Variants in CAMSAP2 observed in about 807,000 individuals in gnomAD.
The protein encoded by CAMSAP2 is calmodulin regulated spectrin associated protein family member 2.
A neutral mutation model predicts 146.1 loss-of-function variants in CAMSAP2; 26 were observed. The observed-to-expected ratio is 0.18, with a 90% CI of 0.13 to 0.25. The LOEUF is 0.25. Among genes scored for constraint, CAMSAP2 ranks in the 10% least tolerant of loss-of-function variants. CAMSAP2 has a pLI of 1.00. For missense variants in CAMSAP2, 1,381 were observed against 1,759.3 expected (o/e 0.78, Z 3.85); for synonymous variants, 499 against 596.6 (o/e 0.84, Z 2.38).
intron 2 of CAMSAP2, among the ~76,000 whole-genome samples, chr1:200,769,276 G>C (rs1665046461): frequency 6.6e-6 from 1 of 152,130 alleles, no homozygotes. Context: ...TTGAAGTCTT[G>C]AGCTGATATT....
intron 3 of CAMSAP2, among the ~76,000 whole-genome samples, chr1:200,807,767 G>T (rs1666219921): frequency 7.5e-6 from 1 of 133,528 alleles, no homozygotes; most frequent in Non-Finnish European, 1.6e-5. Flanking sequence ...TTGAGAAGTA[G>T]TCTCGCTCTG....
intron 6 of CAMSAP2, among the ~76,000 whole-genome samples, chr1:200,834,971 G>C (rs547014930): frequency 2.0e-5 from 3 of 152,304 alleles, no homozygotes; most frequent in Admixed American, 6.5e-5. Flanking sequence ...TTAAAAAAGA[G>C]TGTTTAAAAT....
In CAMSAP2 at chr1:200,848,446, T is replaced by A; in HGVS notation, c.1677T>A (p.Pro559=). 6.2e-7 allele frequency: 1 copy of A among 1,613,576 alleles called. No individual in the cohort carries two copies. Among genetic ancestry groups the A allele is most frequent in the Non-Finnish European group, 8.5e-7 (1 of 1,179,800 alleles). ...IHDTEKSPHT[P]QPDQIANGFF... ...ATACTGAAAAATCTCCTCATACACCTCAGCCAGACCAAATTGCTAATGGCT... is the reference window on the plus strand; with the variant it reads ...ATACTGAAAAATCTCCTCATACACCACAGCCAGACCAAATTGCTAATGGCT... Residue 559 remains proline, a synonymous_variant, in exon 11 of 17, where the codon CCT becomes CCA. Transcript: ENST00000358823.
At chr1:200,746,070 C>T (rs956052515) in intron 1 of CAMSAP2, among the ~76,000 whole-genome samples, 9 of 152,038 alleles carry the variant, frequency 5.9e-5, no homozygotes, top group Non-Finnish European at 7.4e-5. Context: ...CTGTTTTAAG[C>T]GAGATGAAAT....
chr1:200,752,678 C>T (rs928762375), intron 1 of CAMSAP2, among the ~76,000 whole-genome samples: 2 of 150,752 alleles, frequency 1.3e-5, no homozygotes, highest in African/African-American at 2.4e-5. Flanking sequence ...AGTGCAGTGG[C>T]GCCATCTCAG....
chr1:200,739,105 G>A lies in CAMSAP2; in HGVS notation c.-723G>A, dbSNP rs897200133. On this transcript the variant is annotated 5_prime_UTR_variant, in exon 1 of 17. Coordinates refer to ENST00000358823, the MANE Select transcript of CAMSAP2 (RefSeq NM_203459.4). This position sits in a 1 kb window ranked among gnomAD's most constrained non-coding sequence, Gnocchi z 4.8. ...GTCAGCAAGGGAGGAAGACCCGGGA[G>A]ACGGCAGCGGCGACGGCGGCAGGGG... Among the ~76,000 whole-genome samples the A allele has an allele frequency of 1.3e-5, 2 of 152,088 alleles. No homozygotes were observed. Among genetic ancestry groups the A allele is most frequent in the Non-Finnish European group, 2.9e-5 (2 of 67,932 alleles).
intron 11 of CAMSAP2, among the ~76,000 whole-genome samples, chr1:200,851,831 CAG>C (rs1422137427): frequency 2.0e-5 from 3 of 152,278 alleles, no homozygotes; most frequent in Admixed American, 2.0e-4. Context: ...GACATTAAGA[CAG>C]TGAACCACTT....
chr1:200,740,726 A>G (rs1664142884), intron 1 of CAMSAP2, among the ~76,000 whole-genome samples: 1 of 152,226 alleles, frequency 6.6e-6, no homozygotes, highest in Non-Finnish European at 1.5e-5. Flanking sequence ...ATTGTATAGT[A>G]CAGTAGCAGT....
Position 200,790,930 on chromosome 1 carries a change from C to T in CAMSAP2, c.400-16446C>T, listed in dbSNP as rs533486244. ...TGCCATCTTGGCTCACTGTAACCTCCGCCTCTCAGGTTCAAGTGATTCTCC... is the reference window on the plus strand; with the variant it reads ...TGCCATCTTGGCTCACTGTAACCTCTGCCTCTCAGGTTCAAGTGATTCTCC... On this transcript the variant is annotated intron_variant, in intron 2 of 16. Coordinates refer to ENST00000358823, the MANE Select transcript of CAMSAP2 (RefSeq NM_203459.4). Among the ~76,000 whole-genome samples, 57 of 152,154 alleles carry T rather than the reference C, an allele frequency of 3.7e-4. 1 individual carries two copies. Among genetic ancestry groups the T allele is most frequent in the Non-Finnish European group, 7.1e-4 (48 of 67,992 alleles).
chr1:200,788,020 G>T (rs561123054), intron 2 of CAMSAP2, among the ~76,000 whole-genome samples: 1 of 152,062 alleles, frequency 6.6e-6, no homozygotes, highest in Admixed American at 6.6e-5. Flanking sequence ...ATATGCCTGG[G>T]GATATTAAAA....
intron 2 of CAMSAP2, among the ~76,000 whole-genome samples, chr1:200,802,036 C>G (rs1332793045): frequency 2.0e-5 from 3 of 152,174 alleles, no homozygotes; most frequent in Non-Finnish European, 4.4e-5. Flanking sequence ...TATAGTACAA[C>G]TGTCTTGGTT....
intron 2 of CAMSAP2, among the ~76,000 whole-genome samples, chr1:200,769,062 G>A (rs1665039790): frequency 6.6e-6 from 1 of 152,138 alleles, no homozygotes; most frequent in Non-Finnish European, 1.5e-5. Context: ...TATCCCTTAT[G>A]TCAACTCTAA....
At position 200,807,401 on chromosome 1, in the gene CAMSAP2, C is replaced by A. The variant is rs756339866; in HGVS notation, c.425C>A (p.Thr142Asn). Reference protein sequence around the residue: ...QMSAHLAMIDTLMMAYTVEMV... With the variant: ...QMSAHLAMIDNLMMAYTVEMV... ...AGTGCACATTTGGCCATGATCGATA[C>A]CCTCATGATGGCTTATACTGTAGAA... The change falls in exon 3 of 17, where the codon ACC (threonine) becomes AAC (asparagine). Residue 142 changes from threonine to asparagine, a missense_variant. By Grantham distance (65) the Thr-to-Asn change is moderately conservative. Coordinates refer to ENST00000358823, the MANE Select transcript of CAMSAP2 (RefSeq NM_203459.4). 9 of 1,570,798 alleles carry A rather than the reference C, an allele frequency of 5.7e-6. No individual in the cohort carries two copies. Among genetic ancestry groups the A allele is most frequent in the Admixed American group, 5.4e-5 (3 of 55,656 alleles).
chr1:200,783,820 G>A (rs35369655), intron 2 of CAMSAP2, among the ~76,000 whole-genome samples: 1,955 of 152,128 alleles, frequency 0.013, 26 homozygotes, highest in Non-Finnish European at 0.022. Context: ...GTCTTTCAAG[G>A]AATTTTAAAT....
intron 1 of CAMSAP2, among the ~76,000 whole-genome samples, chr1:200,752,619 C>CTT (rs770066342): frequency 9.8e-5 from 14 of 142,642 alleles, no homozygotes; most frequent in African/African-American, 1.3e-4. Flanking sequence ...GTCATGTCTC[C>CTT]TTTTTTTTTT....
At chr1:200,794,471 G>A (rs1309115661) in intron 2 of CAMSAP2, among the ~76,000 whole-genome samples, 1 of 152,180 alleles carries the variant, frequency 6.6e-6, no homozygotes, top group Non-Finnish European at 1.5e-5. Flanking sequence ...ATGATCTGGG[G>A]ATAGATGTAT....
rs1471387582 is a variant in CAMSAP2, at chr1:200,857,709, G to C, written c.4132-45G>C. 1 of 1,450,996 alleles carries C rather than the reference G, an allele frequency of 6.9e-7. No individual in the cohort carries two copies. Among genetic ancestry groups the C allele is most frequent in the Non-Finnish European group, 9.3e-7 (1 of 1,073,670 alleles). The allele number at this position is 1,450,996 out of a possible 1,614,324, so 89.9% of individuals were successfully genotyped here. ...TAAACTTTATTCAGCAAAATAAAGG[G>C]TTTTTATTCGTGTTGTTATGTTGTT... On this transcript the variant is annotated intron_variant, in intron 16 of 16. Coordinates refer to ENST00000358823, the MANE Select transcript of CAMSAP2 (RefSeq NM_203459.4). This position sits in a 1 kb window ranked among gnomAD's most constrained non-coding sequence, Gnocchi z 4.7.
intron 4 of CAMSAP2, among the ~76,000 whole-genome samples, chr1:200,830,589 A>G (rs1667017160): frequency 6.6e-6 from 1 of 152,218 alleles, no homozygotes; most frequent in Non-Finnish European, 1.5e-5. Flanking sequence ...ACGGTAGCTT[A>G]AGCCTAGAAG....
chr1:200,796,344 G>C (rs1344409224), intron 2 of CAMSAP2, among the ~76,000 whole-genome samples: 1 of 152,172 alleles, frequency 6.6e-6, no homozygotes, highest in African/African-American at 2.4e-5. Flanking sequence ...TTTTATACCA[G>C]TACCGTATTG....
Sources: gnomAD v4.1 joint callset for allele counts (sites outside exome capture counted in the v4.1 genomes callset) on GRCh38, gnomAD v4.1.1 for gene constraint, Gnocchi (gnomAD v3.1) non-coding constraint, MANE v1.5 for transcripts, NCBI Gene and HGNC (gene_info 2026-07-23, HGNC 2026-07-21) for gene names.